The following MBD5 variants were observed in gnomAD, a reference collection of about 807,000 sequenced individuals.
MBD5 encodes the protein methyl-CpG-binding domain protein 5.
In MBD5, 13 loss-of-function variants were observed where a neutral mutation model predicts 117.3. The observed-to-expected ratio is 0.11, with a 90% CI of 0.07 to 0.18. MBD5 has a LOEUF of 0.18. MBD5 is among the 10% of genes least tolerant of loss of function. The probability of loss-of-function intolerance (pLI) is 1.00; values close to 1 mark genes in which losing one functional copy is unlikely to be tolerated. For missense variants in MBD5, 1,879 were observed against 2,093.8 expected (o/e 0.90, Z 2.00); for synonymous variants, 727 against 766.4 (o/e 0.95, Z 0.85).
rs564832996 is a variant in MBD5, at chr2:148,074,660, C to T, written c.-925+52976C>T. On this transcript the variant is annotated intron_variant, in intron 1 of 13. Coordinates refer to ENST00000642680, the MANE Select transcript of MBD5 (RefSeq NM_001378120.1). Reference sequence around the variant, plus strand: ...TGGGATTACAAGGAGCCTGCCATTGCGCCCAGCTAATTTTTGTATTTTTAG... The same window carrying T: ...TGGGATTACAAGGAGCCTGCCATTGTGCCCAGCTAATTTTTGTATTTTTAG... Among the ~76,000 whole-genome samples the T allele has an allele frequency of 6.6e-5, 10 of 151,900 alleles. No homozygotes were observed. In the South Asian group the frequency reaches 1.9e-3, roughly 28 times the overall value.
In MBD5 at chr2:148,424,785, C is replaced by T. The variant is rs1364272469; in HGVS notation, c.-556-33418C>T. On this transcript the variant is annotated intron_variant, in intron 4 of 13. Coordinates refer to ENST00000642680, the MANE Select transcript of MBD5 (RefSeq NM_001378120.1). ...TGAACAACCTGCTCCTGAATGAATACTGGATAAATAACGAAATTAAGGCAG... is the reference window on the plus strand; with the variant it reads ...TGAACAACCTGCTCCTGAATGAATATTGGATAAATAACGAAATTAAGGCAG... 2.6e-5 allele frequency among the ~76,000 whole-genome samples: 4 copies of T among 152,104 alleles called. No individual in the cohort carries two copies. The East Asian group carries it at 7.7e-4, about 29-fold the overall frequency.
chr2:148,343,759 G>C (rs1167716186), intron 4 of MBD5, among the ~76,000 whole-genome samples: 3 of 151,918 alleles, frequency 2.0e-5, no homozygotes, highest in African/African-American at 7.2e-5. Context: ...TCTGTGGATT[G>C]TCTGTTTACT....
intron 1 of MBD5, chr2:148,072,192 G>A (rs928993034): frequency 6.6e-6 from 1 of 152,148 alleles, no homozygotes; most frequent in African/African-American, 2.4e-5. Flanking sequence ...ATACTGGCTT[G>A]AGACTTGAAA....
At chr2:148,203,624 T>G (rs1699199131) in intron 2 of MBD5, among the ~76,000 whole-genome samples, 3 of 152,194 alleles carry the variant, frequency 2.0e-5, no homozygotes, top group Non-Finnish European at 1.5e-5. Flanking sequence ...TGTTGCAATT[T>G]TGCAAGTCTT....
intron 3 of MBD5, among the ~76,000 whole-genome samples, chr2:148,265,862 T>G (rs1010679789): frequency 6.6e-6 from 1 of 152,068 alleles, no homozygotes; most frequent in Non-Finnish European, 1.5e-5. Context: ...CTGCTTACTT[T>G]TGTGGAGTTT....
At chr2:148,468,167 A>G (rs1187905636) in intron 7 of MBD5, among the ~76,000 whole-genome samples, 174 bp from the exon 8 acceptor site, 1 of 152,162 alleles carries the variant, frequency 6.6e-6, no homozygotes, top group Non-Finnish European at 1.5e-5. Flanking sequence ...TTAAAATAGT[A>G]TTAATATATA....
intron 4 of MBD5, among the ~76,000 whole-genome samples, chr2:148,412,825 GT>G (rs199507498): frequency 1.3e-5 from 2 of 152,054 alleles, no homozygotes; most frequent in Admixed American, 6.6e-5. Context: ...CTTTGCTAAA[GT>G]TTTTTTTCTT....
intron 4 of MBD5, among the ~76,000 whole-genome samples, chr2:148,411,585 G>A (rs1001658426): frequency 9.1e-6 from 1 of 109,504 alleles, no homozygotes; most frequent in African/African-American, 3.5e-5. Flanking sequence ...TTGTGGTTTT[G>A]ATTTGCATTT....
chr2:148,252,667 T>C (rs560948731), intron 3 of MBD5, among the ~76,000 whole-genome samples: 12 of 152,206 alleles, frequency 7.9e-5, no homozygotes, highest in African/African-American at 2.9e-4. Flanking sequence ...TTCCTACCTC[T>C]GCCTCCCACA....
chr2:148,070,946 G>A (rs1695335396), intron 1 of MBD5: 2 of 151,694 alleles, frequency 1.3e-5, no homozygotes, highest in Admixed American at 6.6e-5. Context: ...CTGCCTTCTG[G>A]GTTCAAGCAA....
intron 1 of MBD5, among the ~76,000 whole-genome samples, chr2:148,092,762 G>T (rs374494530): frequency 6.7e-6 from 1 of 150,216 alleles, no homozygotes; most frequent in Non-Finnish European, 1.5e-5. Context: ...CTCCATTAAA[G>T]AACTTTTCTA....
chr2:148,474,481 A>G (rs1680896546), intron 8 of MBD5, among the ~76,000 whole-genome samples: 1 of 152,124 alleles, frequency 6.6e-6, no homozygotes, highest in Admixed American at 6.6e-5. Context: ...ATTCAACACA[A>G]CATAACTTTT....
chr2:148,374,300 T>G (rs1006680762), intron 4 of MBD5, among the ~76,000 whole-genome samples: 1 of 151,812 alleles, frequency 6.6e-6, no homozygotes, highest in African/African-American at 2.4e-5. Flanking sequence ...CCCATGTATT[T>G]TCTTACTACA....
intron 2 of MBD5, among the ~76,000 whole-genome samples, chr2:148,192,972 A>G (rs1205029373): frequency 1.2e-5 from 1 of 86,860 alleles, no homozygotes; most frequent in Non-Finnish European, 2.4e-5. Context: ...ACAACAGACA[A>G]ACAGAGAGCC....
Position 148,458,531 on chromosome 2 carries a change from A to G in MBD5, c.-228A>G, listed in dbSNP as rs1706955275. On this transcript the variant is annotated 5_prime_UTR_variant, in exon 5 of 14. Transcript: ENST00000642680. ...TTACCCATGTAGACCATCCTTAGGAATTAAATATTGGTTATTTAATGTAGA... is the reference window on the plus strand; with the variant it reads ...TTACCCATGTAGACCATCCTTAGGAGTTAAATATTGGTTATTTAATGTAGA... The G allele has an allele frequency of 3.3e-6, 2 of 603,054 alleles. No individual in the cohort carries two copies. The highest frequency in any genetic ancestry group is 2.9e-5 in the Admixed American group (1 of 35,042). 37.4% of individuals were successfully genotyped at this position (603,054 alleles called of 1,614,324 possible). A position where few individuals can be genotyped will look rare whatever the true frequency, so the allele number is the denominator to read the frequency against.
chr2:148,116,122 G>A (rs1696632581), intron 1 of MBD5, among the ~76,000 whole-genome samples: 1 of 152,056 alleles, frequency 6.6e-6, no homozygotes, highest in Middle Eastern at 3.4e-3. Flanking sequence ...GAGATTACAG[G>A]CATGAACCAC....
Position 148,397,996 on chromosome 2 carries a change from T to A in MBD5, c.-557+55660T>A, listed in dbSNP as rs996317322. On this transcript the variant is annotated intron_variant, in intron 4 of 13. Coordinates refer to ENST00000642680, the MANE Select transcript of MBD5 (RefSeq NM_001378120.1). ...AAGGACATGAACTCATCATTTTTTA[T>A]GGATACATAGTATTCCATGGTGTAT... 2.0e-5 allele frequency among the ~76,000 whole-genome samples: 3 copies of A among 152,244 alleles called. No individual in the cohort carries two copies. In the East Asian group the frequency reaches 5.8e-4, roughly 29 times the overall value.
At chr2:148,154,194 T>G (rs539468800) in intron 1 of MBD5, among the ~76,000 whole-genome samples, 8 of 150,718 alleles carry the variant, frequency 5.3e-5, no homozygotes, top group South Asian at 2.1e-4. Flanking sequence ...TGGAGTACCC[T>G]GCCGTGTGAG....
chr2:148,160,622 G>C (rs920627898), intron 1 of MBD5, among the ~76,000 whole-genome samples: 2 of 152,156 alleles, frequency 1.3e-5, no homozygotes, highest in Non-Finnish European at 2.9e-5. Flanking sequence ...ATCATTTCAA[G>C]GGATAGGATA....
Sources: gnomAD v4.1 joint callset for allele counts (sites outside exome capture counted in the v4.1 genomes callset) on GRCh38, gnomAD v4.1.1 for gene constraint, MANE v1.5 for transcripts, NCBI Gene and HGNC (gene_info 2026-07-23, HGNC 2026-07-21) for gene names.